Variants in EBF3 observed in about 807,000 individuals in gnomAD.
EBF3 encodes the protein transcription factor COE3.
In EBF3, 18 loss-of-function variants were observed where a neutral mutation model predicts 77.1. The ratio of observed to expected loss-of-function variants is 0.23; its 90% CI spans 0.16 to 0.35. The LOEUF is 0.35. EBF3 is among the 10% of genes least tolerant of loss of function. The pLI is 1.00. For missense variants in EBF3, 558 were observed against 860.0 expected (o/e 0.65, Z 4.39); for synonymous variants, 350 against 343.5 (o/e 1.02, Z -0.21).
intron 8 of EBF3, among the ~76,000 whole-genome samples, chr10:129,869,617 A>T (rs1313503309): frequency 6.6e-6 from 1 of 152,208 alleles, no homozygotes; most frequent in Non-Finnish European, 1.5e-5. Flanking sequence ...GGTTTCCCTG[A>T]CAGGTCAGAG....
At chr10:129,930,982 T>G (rs1296680062) in intron 6 of EBF3, among the ~76,000 whole-genome samples, 1 of 151,678 alleles carries the variant, frequency 6.6e-6, no homozygotes, top group African/African-American at 2.4e-5. Flanking sequence ...TATATCTATA[T>G]CTCTACATTA....
intron 6 of EBF3, among the ~76,000 whole-genome samples, chr10:129,893,628 T>G (rs538779833): frequency 5.3e-5 from 8 of 152,326 alleles, no homozygotes; most frequent in Admixed American, 5.2e-4. Context: ...TCCCCTGGCA[T>G]GGTAAACAAA....
rs1374348656 is a variant in EBF3 at position 129,870,352 on chromosome 10, G to A, written c.782-2440C>T. ...CAGATGACAGGAGCTGGGCCCGGCA[G>A]CTGAAGATGGCAGAGGAGGAGCAGG... On this transcript the variant is annotated intron_variant, in intron 8 of 16. Transcript: ENST00000440978. The surrounding 1 kb of genome is among the most constrained non-coding windows in gnomAD (Gnocchi z 4.4). Among the ~76,000 whole-genome samples the A allele has an allele frequency of 6.6e-6, 1 of 152,168 alleles. No individual in the cohort carries two copies. The highest frequency in any genetic ancestry group is 1.9e-4 in the East Asian group (1 of 5,182).
chr10:129,885,608 C>CT lies in EBF3; in HGVS notation c.555-7760dup, dbSNP rs1487934652. Reference sequence around the variant, plus strand: ...CCCCCCTTTACCTATTTCTCTATTTCTAATGGGCAATGCAGCACTGACATT... The same window carrying CT: ...CCCCCCTTTACCTATTTCTCTATTTCTTAATGGGCAATGCAGCACTGACATT... On this transcript the variant is annotated intron_variant, in intron 6 of 16. Coordinates refer to ENST00000440978, the MANE Select transcript of EBF3 (RefSeq NM_001375380.1). The surrounding 1 kb of genome is among the most constrained non-coding windows in gnomAD (Gnocchi z 4.0). Among the ~76,000 whole-genome samples, 4 of 152,280 alleles carry CT rather than the reference C, an allele frequency of 2.6e-5. No individual in the cohort carries two copies. In the South Asian group the frequency reaches 6.2e-4, roughly 24 times the overall value.
chr10:129,928,659 G>A (rs764139077), intron 6 of EBF3, among the ~76,000 whole-genome samples: 43 of 152,292 alleles, frequency 2.8e-4, no homozygotes, highest in Admixed American at 1.3e-3. Context: ...GGCCCTCACC[G>A]TCTGCTACCA....
intron 6 of EBF3, among the ~76,000 whole-genome samples, chr10:129,915,499 A>ACACACACAC (rs59533376): frequency 2.2e-4 from 20 of 91,294 alleles, no homozygotes; most frequent in African/African-American, 8.8e-4. Flanking sequence ...CACACACACA[A>ACACACACAC]AAAAGCCAAG....
intron 15 of EBF3, among the ~76,000 whole-genome samples, chr10:129,839,934 A>G (rs1849893560): frequency 6.6e-6 from 1 of 152,108 alleles, no homozygotes; most frequent in Non-Finnish European, 1.5e-5. Context: ...TACCTTCACC[A>G]CACTCCCGCC....
At chr10:129,917,578 C>A (rs1401045923) in intron 6 of EBF3, among the ~76,000 whole-genome samples, 3 of 137,260 alleles carry the variant, frequency 2.2e-5, no homozygotes, top group Non-Finnish European at 3.0e-5. Flanking sequence ...GAGTTTGAGG[C>A]TGCAGTGAGC....
In EBF3 at chr10:129,893,321, A is replaced by G. The variant is rs141471976; in HGVS notation, c.555-15472T>C. ...CAGACTTTTCACCTGCTCCGACAAC[A>G]GCACCACATATGGCCCTGAAGTTAA... is the stretch of plus-strand genomic sequence containing the variant. On this transcript the variant is annotated intron_variant, in intron 6 of 16. Coordinates refer to ENST00000440978, the MANE Select transcript of EBF3 (RefSeq NM_001375380.1). 3.0e-3 allele frequency among the ~76,000 whole-genome samples: 450 copies of G among 152,358 alleles called. 2 individuals carry two copies. The highest frequency in any genetic ancestry group is 4.3e-3 in the Non-Finnish European group (292 of 68,038).
At chr10:129,958,204 A>G in intron 5 of EBF3, among the ~76,000 whole-genome samples, 1 of 152,272 alleles carries the variant, frequency 6.6e-6, no homozygotes, top group Admixed American at 6.5e-5. Context: ...GCATTTAGGC[A>G]ACCGGCATCA....
At chr10:129,939,498 A>T (rs974071882) in intron 6 of EBF3, among the ~76,000 whole-genome samples, 3 of 152,150 alleles carry the variant, frequency 2.0e-5, no homozygotes, top group Non-Finnish European at 4.4e-5. Flanking sequence ...TCATTTAAAG[A>T]CTTGGGGTTT....
At chr10:129,872,397 T>C (rs946745777) in intron 8 of EBF3, among the ~76,000 whole-genome samples, 1 of 142,430 alleles carries the variant, frequency 7.0e-6, no homozygotes, top group Non-Finnish European at 1.5e-5. Flanking sequence ...AAAAACAAAT[T>C]AGTTTATTTT....
intron 10 of EBF3, among the ~76,000 whole-genome samples, chr10:129,849,001 T>C (rs376649398): frequency 1.1e-3 from 161 of 152,360 alleles, no homozygotes; most frequent in African/African-American, 3.7e-3. Flanking sequence ...TACAAACTGA[T>C]GTAGGGCACT....
chr10:129,893,901 T>C (rs959900944), intron 6 of EBF3, among the ~76,000 whole-genome samples: 78 of 152,196 alleles, frequency 5.1e-4, no homozygotes, highest in African/African-American at 1.7e-3. Context: ...CTGGTGGGGG[T>C]GCACGGGGCC....
chr10:129,868,349 C>T (rs1418324704), intron 8 of EBF3, among the ~76,000 whole-genome samples: 1 of 152,164 alleles, frequency 6.6e-6, no homozygotes. Flanking sequence ...TTTTCATCCG[C>T]GAACTTTGCC....
Position 129,843,124 on chromosome 10 carries a change from G to A in EBF3, c.1194+13C>T, listed in dbSNP as rs201064631. ...GGGGGGAGGATGGGCGAGGGGAGCC[G>A]CCCTCCACCTACCTGGTTGTTGTGA... On this transcript the variant is annotated intron_variant, in intron 12 of 16. Coordinates refer to ENST00000440978, the MANE Select transcript of EBF3 (RefSeq NM_001375380.1). 27 of 1,611,236 alleles carry A rather than the reference G, an allele frequency of 1.7e-5. No individual in the cohort carries two copies. Among genetic ancestry groups the A allele is most frequent in the African/African-American group, 1.6e-4 (12 of 74,990 alleles).
At chr10:129,951,601 G>A (rs1425287773) in intron 6 of EBF3, among the ~76,000 whole-genome samples, 3 of 152,376 alleles carry the variant, frequency 2.0e-5, no homozygotes, top group Non-Finnish European at 2.9e-5. Context: ...CTGGCCTGGC[G>A]GTGGAGTCTT....
At chr10:129,856,391 T>C (rs1273569196) in intron 10 of EBF3, among the ~76,000 whole-genome samples, 3 of 152,148 alleles carry the variant, frequency 2.0e-5, no homozygotes, top group African/African-American at 7.2e-5. Flanking sequence ...GGAATAATAC[T>C]CAGCCATGTA....
intron 10 of EBF3, among the ~76,000 whole-genome samples, chr10:129,857,990 A>G (rs1157504129): frequency 6.6e-6 from 1 of 152,206 alleles, no homozygotes; most frequent in Non-Finnish European, 1.5e-5. Context: ...CATTTTGCAA[A>G]TACACAGGAA....
Sources: gnomAD v4.1 joint callset for allele counts (sites outside exome capture counted in the v4.1 genomes callset) on GRCh38, gnomAD v4.1.1 for gene constraint, Gnocchi (gnomAD v3.1) non-coding constraint, MANE v1.5 for transcripts, NCBI Gene and HGNC (gene_info 2026-07-23, HGNC 2026-07-21) for gene names.